NCAM2: variants seen among roughly 807,000 people sequenced by gnomAD.
The protein encoded by NCAM2 is neural cell adhesion molecule 2.
A neutral mutation model predicts 98.1 loss-of-function variants in NCAM2; 30 were observed. That is an observed-to-expected ratio of 0.31 (90% CI 0.23 to 0.41). The LOEUF (loss-of-function observed/expected upper bound fraction) is 0.41, where lower values mean the gene tolerates loss of function less well. Among genes scored for constraint, NCAM2 ranks in the 10% least tolerant of loss-of-function variants. NCAM2 has a pLI of 1.00. For synonymous variants in NCAM2, 368 were observed against 342.4 expected, an observed-to-expected ratio of 1.07 and a Z score of -0.83; for missense variants, 867 against 1,005.8, an observed-to-expected ratio of 0.86 and a Z score of 1.87.
At chr21:21,335,292 G>A (rs1161477221) in intron 6 of NCAM2, among the ~76,000 whole-genome samples, 1 of 151,774 alleles carries the variant, frequency 6.6e-6, no homozygotes, top group Non-Finnish European at 1.5e-5. Context: ...TGTTATTCTT[G>A]TGTTTACATT....
chr21:21,365,186 C>T (rs914841338), intron 8 of NCAM2, among the ~76,000 whole-genome samples: 1 of 151,528 alleles, frequency 6.6e-6, no homozygotes, highest in African/African-American at 2.4e-5. Context: ...GAAATACCTC[C>T]GGAGATCTTC....
intron 1 of NCAM2, 38 bp downstream of exon 1, chr21:20,998,656 C>T (rs2063963615): frequency 6.3e-7 from 1 of 1,593,342 alleles, no homozygotes. Flanking sequence ...ACTTTCCCTC[C>T]CCCTTCCACC....
intron 9 of NCAM2, among the ~76,000 whole-genome samples, chr21:21,384,532 T>G (rs2076224279): frequency 6.6e-6 from 1 of 151,904 alleles, no homozygotes; most frequent in African/African-American, 2.4e-5. Flanking sequence ...ATATTGGAAA[T>G]CTACCTCACG....
intron 1 of NCAM2, among the ~76,000 whole-genome samples, chr21:21,139,513 T>C (rs1444498719): frequency 1.3e-5 from 2 of 152,208 alleles, no homozygotes; most frequent in Non-Finnish European, 2.9e-5. Context: ...CTTTATAGAA[T>C]ACAAGGAGAA....
intron 9 of NCAM2, among the ~76,000 whole-genome samples, chr21:21,396,026 T>A (rs1017988203): frequency 1.3e-5 from 2 of 150,682 alleles, no homozygotes; most frequent in African/African-American, 2.4e-5. Context: ...CTTAATTAAG[T>A]TAAAAAATTT....
intron 1 of NCAM2, among the ~76,000 whole-genome samples, chr21:21,119,203 A>G (rs1418127118): frequency 6.6e-6 from 1 of 152,168 alleles, no homozygotes; most frequent in Non-Finnish European, 1.5e-5. Flanking sequence ...TCTCCTTAGC[A>G]TAATGATTAC....
chr21:21,400,729 G>C (rs545090041), intron 9 of NCAM2, among the ~76,000 whole-genome samples: 1 of 151,870 alleles, frequency 6.6e-6, no homozygotes, highest in African/African-American at 2.4e-5. Flanking sequence ...GGGATCAAAG[G>C]CACCTTATTG....
chr21:21,354,046 A>G (rs1421237948), intron 8 of NCAM2, among the ~76,000 whole-genome samples: 1 of 152,182 alleles, frequency 6.6e-6, no homozygotes, highest in East Asian at 1.9e-4. Context: ...AATTCTTACA[A>G]AATGATAAAC....
intron 10 of NCAM2, among the ~76,000 whole-genome samples, chr21:21,413,658 A>G (rs1010726408): frequency 6.6e-6 from 1 of 152,226 alleles, no homozygotes; most frequent in Non-Finnish European, 1.5e-5. Flanking sequence ...GATGTATAAA[A>G]AGGTCTACAT....
At position 21,342,207 on chromosome 21, in the gene NCAM2, G is replaced by A. The variant is rs117282195; in HGVS notation, c.1044+3673G>A. ...ATATACATAACTATCTCAGTTTATC[G>A]TCTGGTATTATTACTGCATAGTAAA... is the stretch of plus-strand genomic sequence containing the variant. On this transcript the variant is annotated intron_variant, in intron 8 of 17. Transcript: ENST00000400546. Among the ~76,000 whole-genome samples, 132 of 152,170 alleles carry A rather than the reference G, an allele frequency of 8.7e-4. No individual in the cohort carries two copies. In the East Asian group the frequency reaches 0.02, roughly 23 times the overall value.
chr21:21,482,761 GTAAT>G (rs1423411774), intron 15 of NCAM2, among the ~76,000 whole-genome samples: 1 of 115,694 alleles, frequency 8.6e-6, no homozygotes, highest in Non-Finnish European at 1.8e-5. Context: ...AAATAATTTT[GTAAT>G]TAATATTTTT....
intron 10 of NCAM2, among the ~76,000 whole-genome samples, chr21:21,411,629 A>G (rs1347746846): frequency 6.6e-6 from 1 of 152,128 alleles, no homozygotes; most frequent in African/African-American, 2.4e-5. Flanking sequence ...GGTTAGGAAA[A>G]TTGGGAATCT....
At chr21:21,318,354 C>G (rs1461874598) in intron 5 of NCAM2, among the ~76,000 whole-genome samples, 3 of 152,082 alleles carry the variant, frequency 2.0e-5, no homozygotes, top group Admixed American at 6.6e-5. Flanking sequence ...TTATCTCATA[C>G]TGTGGAAAGA....
At chr21:21,043,157 G>A (rs2064939785) in intron 1 of NCAM2, among the ~76,000 whole-genome samples, 1 of 152,122 alleles carries the variant, frequency 6.6e-6, no homozygotes, top group African/African-American at 2.4e-5. Flanking sequence ...CTTTAGTCCT[G>A]CCCCATGCCC....
chr21:21,480,957 T>C (rs532236697), intron 15 of NCAM2, among the ~76,000 whole-genome samples: 78 of 152,306 alleles, frequency 5.1e-4, no homozygotes, highest in Middle Eastern at 6.8e-3. Flanking sequence ...CCATTTAGTA[T>C]TTGTTAAATT....
chr21:21,485,134 G>A lies in NCAM2; in HGVS notation c.2077+7663G>A, dbSNP rs187455054. ...ATTAGATGTGTATCCCAATTGTGCT[G>A]CTTATTTTCCCTTTGTTGAACCAAA... On this transcript the variant is annotated intron_variant, in intron 15 of 17. Transcript: ENST00000400546. 9.2e-5 allele frequency among the ~76,000 whole-genome samples: 14 copies of A among 152,078 alleles called. No individual in the cohort carries two copies. The East Asian group carries it at 2.7e-3, about 29-fold the overall frequency.
chr21:21,299,697 C>T (rs557781991), intron 5 of NCAM2, among the ~76,000 whole-genome samples: 4 of 151,520 alleles, frequency 2.6e-5, no homozygotes, highest in African/African-American at 9.7e-5. Context: ...TAAATATGAC[C>T]TGCCTTATTG....
chr21:21,009,129 A>G (rs891895615), intron 1 of NCAM2, among the ~76,000 whole-genome samples: 2 of 152,188 alleles, frequency 1.3e-5, no homozygotes, highest in Non-Finnish European at 2.9e-5. Flanking sequence ...TTCCTAGAAC[A>G]TGGTAGAAGC....
chr21:21,235,140 T>TA (rs1026576879), intron 1 of NCAM2, among the ~76,000 whole-genome samples: 4 of 151,876 alleles, frequency 2.6e-5, no homozygotes, highest in Non-Finnish European at 5.9e-5. Context: ...GTTAAAACAT[T>TA]AAAAAAAGTG....
Sources: allele counts gnomAD v4.1 joint callset (sites outside exome capture counted in the v4.1 genomes callset), GRCh38; gene constraint gnomAD v4.1.1; transcripts MANE v1.5; gene names NCBI Gene and HGNC (gene_info 2026-07-23, HGNC 2026-07-21).